B9D1: variants seen among roughly 807,000 people sequenced by gnomAD.
B9D1 encodes the protein B9 domain-containing protein 1.
B9D1 carries 20 observed loss-of-function variants against 26.1 expected under a neutral mutation model. The ratio of observed to expected loss-of-function variants is 0.77; its 90% CI spans 0.54 to 1.12. B9D1 has a LOEUF of 1.12. Ranked by LOEUF, B9D1 falls within the 50% of genes most tolerant of loss-of-function variation. The pLI, the probability that B9D1 is intolerant of heterozygous loss-of-function variation, is 0.00. For synonymous variants in B9D1, 105 were observed against 103.1 expected, an observed-to-expected ratio of 1.02 and a Z score of -0.11; for missense variants, 260 against 273.7, an observed-to-expected ratio of 0.95 and a Z score of 0.35.
Position 19,362,581 on chromosome 17 carries a change from G to C in B9D1, c.-12C>G, listed in dbSNP as rs1306892577. 1.3e-6 allele frequency: 2 copies of C among 1,587,446 alleles called. No homozygotes were observed. The highest frequency in any genetic ancestry group is 1.7e-6 in the Non-Finnish European group (2 of 1,166,940). On this transcript the variant is annotated 5_prime_UTR_variant, in exon 1 of 7. Coordinates refer to ENST00000261499, the MANE Select transcript of B9D1 (RefSeq NM_015681.6). ...CTCGCGGTCGCCATGGCAGGTCTGG[G>C]GGTGCCGGGGGGACCCACCTAGGCC...
rs560040509 is a variant in B9D1, at chr17:19,353,463, C to A, written c.244+4377G>T. Among the ~76,000 whole-genome samples the A allele has an allele frequency of 7.4e-5, 11 of 148,046 alleles. No homozygotes were observed. In the East Asian group the frequency reaches 2.3e-3, roughly 30 times the overall value. ...ACCAGCCTGGCCAACATGGTGAAAC[C>A]CCATCTCTAATAAAAACACAAAAAA... On this transcript the variant is annotated intron_variant, in intron 3 of 6. Coordinates refer to ENST00000261499, the MANE Select transcript of B9D1 (RefSeq NM_015681.6).
At chr17:19,353,136 T>C (rs9912748) in intron 3 of B9D1, among the ~76,000 whole-genome samples, 145,743 of 150,626 alleles carry the variant, frequency 0.97, 70,757 homozygotes, top group African/African-American at 0.99. Context: ...CCACCACACC[T>C]GGCTAATTTT....
intron 1 of B9D1, among the ~76,000 whole-genome samples, chr17:19,376,168 A>T: frequency 6.6e-6 from 1 of 152,232 alleles, no homozygotes; most frequent in East Asian, 1.9e-4. Flanking sequence ...GCAAGTCCAT[A>T]GAGACAGAAA....
intron 1 of B9D1, among the ~76,000 whole-genome samples, chr17:19,362,153 G>A (rs1182049274): frequency 6.6e-6 from 1 of 152,220 alleles, no homozygotes; most frequent in African/African-American, 2.4e-5. Flanking sequence ...ACGGGACACA[G>A]CGCAAATGCT....
downstream of B9D1, among the ~76,000 whole-genome samples, chr17:19,339,917 G>A (rs1457925995): frequency 6.6e-6 from 1 of 152,112 alleles, no homozygotes; most frequent in African/African-American, 2.4e-5. Context: ...AGGAGAAAAG[G>A]GAGATAGGCT....
In B9D1 at chr17:19,362,707, G is replaced by A. The variant is rs750393249; in HGVS notation, c.-138C>T. ...CGACACCTTCGCGAAGGCCACGCGA[G>A]TGCGCGTGTGGCATGCGCAGGCGCA... is the stretch of plus-strand genomic sequence containing the variant. On this transcript the variant is annotated 5_prime_UTR_variant, in exon 1 of 7. Coordinates refer to ENST00000261499, the MANE Select transcript of B9D1 (RefSeq NM_015681.6). 6.5e-7 allele frequency: 1 copy of A among 1,530,534 alleles called. No homozygotes were observed. 94.8% of individuals were successfully genotyped at this position (1,530,534 alleles called of 1,614,324 possible).
At chr17:19,353,968 AAAAAT>A (rs1245540689) in intron 3 of B9D1, among the ~76,000 whole-genome samples, 19 of 152,224 alleles carry the variant, frequency 1.2e-4, no homozygotes, top group African/African-American at 3.9e-4. Context: ...AATAAAAATT[AAAAAT>A]AAAATAAAAT....
At chr17:19,341,268 T>G, downstream of B9D1, 1 of 1,231,850 alleles carries the variant, frequency 8.1e-7, no homozygotes, top group Non-Finnish European at 1.0e-6. Flanking sequence ...CCAAGGCCAG[T>G]GCCCTGGGTG....
At chr17:19,342,832 G>C (rs1391759919), downstream of B9D1, among the ~76,000 whole-genome samples, 2 of 152,168 alleles carry the variant, frequency 1.3e-5, no homozygotes, top group Non-Finnish European at 2.9e-5. Context: ...CCCAATAACA[G>C]GGTTCTGTCC....
upstream of B9D1, among the ~76,000 whole-genome samples, chr17:19,366,579 C>A (rs1485493145): frequency 6.6e-6 from 1 of 152,048 alleles, no homozygotes; most frequent in Non-Finnish European, 1.5e-5. Context: ...CAGAGACAAA[C>A]CGACTTCCCA....
At chr17:19,346,040 C>T (rs1265814997) in intron 5 of B9D1, among the ~76,000 whole-genome samples, 1 of 152,238 alleles carries the variant, frequency 6.6e-6, no homozygotes, top group Non-Finnish European at 1.5e-5. Context: ...CCAAAGTCCT[C>T]CTTGGAGCTG....
Position 19,347,156 on chromosome 17 carries a change from G to T in B9D1, c.404+113C>A. 1 of 1,611,724 alleles carries T rather than the reference G, an allele frequency of 6.2e-7. No homozygotes were observed. The highest frequency in any genetic ancestry group is 8.5e-7 in the Non-Finnish European group (1 of 1,178,730). ...ACCTGTTTCTATTTGTCCTCAGTGG[G>T]TGGAGCAGCTTGCAGATCTGAGGAG... On this transcript the variant is annotated intron_variant, in intron 5 of 6. Coordinates refer to ENST00000261499, the MANE Select transcript of B9D1 (RefSeq NM_015681.6). This position sits in a 1 kb window ranked among gnomAD's most constrained non-coding sequence, Gnocchi z 4.3.
chr17:19,350,304 G>A (rs1183919829), intron 3 of B9D1, among the ~76,000 whole-genome samples: 1 of 152,006 alleles, frequency 6.6e-6, no homozygotes, highest in East Asian at 1.9e-4. Flanking sequence ...CCAGCACTTT[G>A]GGAGGCTGAG....
chr17:19,368,448 G>A (rs1242734382), intron 1 of B9D1, among the ~76,000 whole-genome samples: 1 of 152,138 alleles, frequency 6.6e-6, no homozygotes, highest in Non-Finnish European at 1.5e-5. Flanking sequence ...CTGGCTATGT[G>A]ACCTTGGGCT....
At chr17:19,352,231 A>C (rs1259141606) in intron 3 of B9D1, among the ~76,000 whole-genome samples, 1 of 152,166 alleles carries the variant, frequency 6.6e-6, no homozygotes, top group Non-Finnish European at 1.5e-5. Flanking sequence ...TTAAAAACCA[A>C]CTTTTGCCTC....
intron 1 of B9D1, chr17:19,377,748 C>T (rs1303424934): frequency 2.8e-5 from 23 of 826,874 alleles, no homozygotes; most frequent in Non-Finnish European, 3.1e-5. Context: ...AGGGCTCCGC[C>T]CACCCGCGGG....
At chr17:19,357,506 G>T (rs1282775697) in intron 3 of B9D1, 1 of 399,828 alleles carries the variant, frequency 2.5e-6, no homozygotes, top group Non-Finnish European at 4.8e-6. Flanking sequence ...TGGGAAGTCA[G>T]CAGGCACAGA....
At chr17:19,343,124 C>T (rs1403121652), downstream of B9D1, 1 of 1,429,176 alleles carries the variant, frequency 7.0e-7, no homozygotes, top group Non-Finnish European at 9.1e-7. Context: ...GAGCCCCCAG[C>T]TCCTGTGGGG....
intron 3 of B9D1, among the ~76,000 whole-genome samples, chr17:19,349,981 G>A (rs769309314): frequency 8.1e-4 from 124 of 152,160 alleles, no homozygotes; most frequent in Non-Finnish European, 1.6e-3. Flanking sequence ...CCAGGCTGGC[G>A]GGCGCCTGTA....
Sources: gnomAD v4.1 joint callset for allele counts (sites outside exome capture counted in the v4.1 genomes callset) on GRCh38, gnomAD v4.1.1 for gene constraint, Gnocchi (gnomAD v3.1) non-coding constraint, MANE v1.5 for transcripts, NCBI Gene and HGNC (gene_info 2026-07-23, HGNC 2026-07-21) for gene names.